The following CPXM2 variants were observed in gnomAD, a reference collection of about 807,000 sequenced individuals.
CPXM2 encodes the protein inactive carboxypeptidase-like protein X2.
In CPXM2, 66 loss-of-function variants were observed where a neutral mutation model predicts 86.1. That is an observed-to-expected ratio of 0.77 (90% CI 0.63 to 0.94). The LOEUF (loss-of-function observed/expected upper bound fraction) is 0.94. CPXM2 is among the 40% of genes least tolerant of loss of function. The pLI, the probability that CPXM2 is intolerant of heterozygous loss-of-function variation, is 0.00. For synonymous variants in CPXM2, 388 were observed against 400.2 expected (o/e 0.97, Z 0.36); for missense variants, 948 against 1,026.3 (o/e 0.92, Z 1.04).
At chr10:123,809,150 C>T (rs565764306) in intron 4 of CPXM2, among the ~76,000 whole-genome samples, 4 of 152,136 alleles carry the variant, frequency 2.6e-5, no homozygotes, top group South Asian at 2.1e-4. Context: ...GTTATCAGAT[C>T]GACTGACATG....
chr10:123,871,457 G>A (rs118133321), intron 2 of CPXM2, among the ~76,000 whole-genome samples: 3,102 of 152,122 alleles, frequency 0.02, 41 homozygotes, highest in Middle Eastern at 0.041. Flanking sequence ...AGGAATTATT[G>A]GTTCAAAAGA....
In CPXM2 at chr10:123,766,982, T is replaced by C. The variant is rs1433352379; in HGVS notation, c.1470A>G (p.Glu490=). ...GGGTATTTTGACTCACCGTGGCATTTTCCGACAGAAACCACTCAGGGATTG... is the reference window on the plus strand; with the variant it reads ...GGGTATTTTGACTCACCGTGGCATTCTCCGACAGAAACCACTCAGGGATTG... ...YIAIPEWFLS[E]NATVAAETRA... is the part of the protein sequence containing the mutation. Residue 490 remains glutamate (E), a synonymous_variant, in exon 10 of 14, where the codon GAA becomes GAG. Transcript: ENST00000241305. 3.1e-6 allele frequency: 5 copies of C among 1,613,754 alleles called. No homozygotes were observed. The highest frequency in any genetic ancestry group is 4.2e-6 in the Non-Finnish European group (5 of 1,179,626).
At chr10:123,904,874 A>ACCCCCCCCACCCACCTGGAGGGCCCGAGC (rs1945419035) in intron 2 of CPXM2, among the ~76,000 whole-genome samples, 1 of 28,386 alleles carries the variant, frequency 3.5e-5, no homozygotes, top group Non-Finnish European at 7.0e-5. Flanking sequence ...TGACCTCCCC[A>ACCCCCCCCACCCACCTGGAGGGCCCGAGC]TCCCACCCAC....
At chr10:123,853,703 G>A (rs1490583554) in intron 3 of CPXM2, among the ~76,000 whole-genome samples, 4 of 152,268 alleles carry the variant, frequency 2.6e-5, no homozygotes, top group East Asian at 1.9e-4. Context: ...TCAGGAGTTC[G>A]AGACCAGCCC....
chr10:123,906,940 G>A (rs1338316083), intron 2 of CPXM2, among the ~76,000 whole-genome samples: 1 of 152,184 alleles, frequency 6.6e-6, no homozygotes, highest in Non-Finnish European at 1.5e-5. Flanking sequence ...TTCTTCAGGT[G>A]AAATTTCCAA....
intron 2 of CPXM2, among the ~76,000 whole-genome samples, chr10:123,908,619 C>T (rs1198207245): frequency 6.6e-6 from 1 of 152,080 alleles, no homozygotes; most frequent in African/African-American, 2.4e-5. Context: ...GGAGAGGGGC[C>T]ACCTGGTCCA....
intron 2 of CPXM2, among the ~76,000 whole-genome samples, chr10:123,938,794 G>C (rs1057332303): frequency 6.6e-6 from 1 of 152,210 alleles, no homozygotes. Flanking sequence ...GTCATGCCAG[G>C]CTTTCAATGT....
intron 4 of CPXM2, among the ~76,000 whole-genome samples, chr10:123,808,118 GA>G (rs11321679): frequency 0.035 from 5,352 of 151,970 alleles, 314 homozygotes; most frequent in African/African-American, 0.12. Flanking sequence ...CTTCAAATCA[GA>G]AAAAACAGAG....
chr10:123,893,963 A>C (rs1945313770), upstream of CPXM2, among the ~76,000 whole-genome samples: 1 of 152,200 alleles, frequency 6.6e-6, no homozygotes, highest in Non-Finnish European at 1.5e-5. Flanking sequence ...GGCACCCCAG[A>C]CCTTCAGAAT....
intron 4 of CPXM2, among the ~76,000 whole-genome samples, chr10:123,828,969 A>G (rs1051545199): frequency 2.6e-5 from 4 of 152,240 alleles, no homozygotes; most frequent in Non-Finnish European, 5.9e-5. Flanking sequence ...TACAAACCAC[A>G]TGTCCAACAA....
intron 4 of CPXM2, among the ~76,000 whole-genome samples, chr10:123,820,821 T>C (rs757075348): frequency 1.3e-5 from 2 of 152,216 alleles, no homozygotes; most frequent in Non-Finnish European, 2.9e-5. Context: ...CCTCTGACCA[T>C]AGCAGTGCCC....
At chr10:123,879,411 C>T (rs1590093990) in intron 2 of CPXM2, among the ~76,000 whole-genome samples, 1 of 152,314 alleles carries the variant, frequency 6.6e-6, no homozygotes, top group East Asian at 1.9e-4. Flanking sequence ...GTAGAAGCTG[C>T]ATAACCCTTG....
chr10:123,860,871 G>A (rs1410169091), intron 3 of CPXM2, among the ~76,000 whole-genome samples: 5 of 152,146 alleles, frequency 3.3e-5, no homozygotes, highest in Admixed American at 2.0e-4. Flanking sequence ...TTTTTTATAC[G>A]AGTATTTATA....
intron 4 of CPXM2, among the ~76,000 whole-genome samples, chr10:123,823,661 A>C (rs961984750): frequency 6.6e-6 from 1 of 152,184 alleles, no homozygotes; most frequent in African/African-American, 2.4e-5. Flanking sequence ...ATAGAGAGAA[A>C]GAGACAAAAT....
chr10:123,797,172 GAAT>G (rs2134065248), intron 6 of CPXM2, among the ~76,000 whole-genome samples: 1 of 152,304 alleles, frequency 6.6e-6, no homozygotes, highest in African/African-American at 2.4e-5. Context: ...AAGGCAAGTG[GAAT>G]ACTACCTGAG....
upstream of CPXM2, among the ~76,000 whole-genome samples, chr10:123,893,619 C>A (rs1327614789): frequency 2.0e-5 from 3 of 152,076 alleles, no homozygotes; most frequent in African/African-American, 7.2e-5. Context: ...GCAGGAGGGT[C>A]CCCTTCCCCA....
chr10:123,791,568 G>A lies in CPXM2; in HGVS notation c.889+6408C>T, dbSNP rs562018461. Among the ~76,000 whole-genome samples, 16 of 152,310 alleles carry A rather than the reference G, an allele frequency of 1.1e-4. No homozygotes were observed. In the South Asian group the frequency reaches 1.5e-3, roughly 14 times the overall value. The stretch of plus-strand genomic sequence containing the variant: ...CATCACTCCGATCTCCACCTGCGAC[G>A]TCACATGGCATTCTCCCTGTGTGCC... On this transcript the variant is annotated intron_variant, in intron 6 of 13. Transcript: ENST00000241305.
chr10:123,872,725 TAAAG>T, intron 2 of CPXM2, among the ~76,000 whole-genome samples: 1 of 152,000 alleles, frequency 6.6e-6, no homozygotes, highest in East Asian at 1.9e-4. Context: ...CATTGAAAAA[TAAAG>T]AATGAACACT....
intron 10 of CPXM2, among the ~76,000 whole-genome samples, chr10:123,763,767 C>T (rs989918745): frequency 6.6e-6 from 1 of 152,004 alleles, no homozygotes; most frequent in Admixed American, 6.5e-5. Flanking sequence ...TTTGCTATAA[C>T]GAACAGTGTT....
Sources: gnomAD v4.1 joint callset for allele counts (sites outside exome capture counted in the v4.1 genomes callset) on GRCh38, gnomAD v4.1.1 for gene constraint, MANE v1.5 for transcripts, NCBI Gene and HGNC (gene_info 2026-07-23, HGNC 2026-07-21) for gene names.